The following GRM8 variants were observed in gnomAD, a reference collection of about 807,000 sequenced individuals.
The protein encoded by GRM8 is glutamate metabotropic receptor 8, also known as metabotropic glutamate receptor 8.
A neutral mutation model predicts 87.2 loss-of-function variants in GRM8; 47 were observed. That is an observed-to-expected ratio of 0.54 (90% CI 0.43 to 0.69). GRM8 has a LOEUF of 0.69. GRM8 is among the 30% of genes least tolerant of loss of function. The pLI is 0.00. For missense variants in GRM8, 1,019 were observed against 1,139.2 expected, an observed-to-expected ratio of 0.89 and a Z score of 1.52; for synonymous variants, 396 against 404.5, an observed-to-expected ratio of 0.98 and a Z score of 0.25.
intron 2 of GRM8, among the ~76,000 whole-genome samples, chr7:127,176,332 T>C (rs1794105325): frequency 1.3e-5 from 2 of 152,186 alleles, no homozygotes; most frequent in East Asian, 1.9e-4. Context: ...TATACAACTA[T>C]ACCAATAATC....
At chr7:127,236,553 A>C (rs1294932974) in intron 2 of GRM8, among the ~76,000 whole-genome samples, 1 of 152,176 alleles carries the variant, frequency 6.6e-6, no homozygotes, top group African/African-American at 2.4e-5. Context: ...GAACTCACTC[A>C]CTATCACGAG....
intron 6 of GRM8, among the ~76,000 whole-genome samples, chr7:126,867,725 A>G (rs1043155146): frequency 1.3e-5 from 2 of 152,156 alleles, no homozygotes; most frequent in African/African-American, 2.4e-5. Flanking sequence ...GAAGAACAGA[A>G]ATGAGAGGAC....
chr7:127,043,668 G>C (rs1377153111), intron 3 of GRM8, among the ~76,000 whole-genome samples: 1 of 152,168 alleles, frequency 6.6e-6, no homozygotes, highest in Non-Finnish European at 1.5e-5. Context: ...AATGTTAAAT[G>C]ATGAGTTAAT....
chr7:126,656,873 C>A (rs1179907954), intron 7 of GRM8, among the ~76,000 whole-genome samples: 2 of 152,086 alleles, frequency 1.3e-5, no homozygotes, highest in African/African-American at 4.8e-5. Context: ...AAAAGCTAGG[C>A]ATATTCAGGG....
chr7:126,951,571 C>T (rs1808163715), intron 3 of GRM8, among the ~76,000 whole-genome samples: 2 of 151,994 alleles, frequency 1.3e-5, no homozygotes, highest in Admixed American at 1.3e-4. Flanking sequence ...CTACAGAAAA[C>T]AGTATCTTGA....
chr7:126,633,811 A>G (rs1053080401), intron 7 of GRM8, among the ~76,000 whole-genome samples: 1 of 151,738 alleles, frequency 6.6e-6, no homozygotes, highest in South Asian at 2.1e-4. Flanking sequence ...TACCATATAA[A>G]TAACTATTTG....
At chr7:126,679,136 C>T (rs1283173862) in intron 7 of GRM8, among the ~76,000 whole-genome samples, 5 of 152,182 alleles carry the variant, frequency 3.3e-5, no homozygotes, top group African/African-American at 1.2e-4. Context: ...GCTAGAACTA[C>T]AGTTTAAAAG....
chr7:126,969,132 CATA>C (rs1283104403), intron 3 of GRM8, among the ~76,000 whole-genome samples: 1 of 152,070 alleles, frequency 6.6e-6, no homozygotes, highest in Non-Finnish European at 1.5e-5. Context: ...TTCAGAAAAG[CATA>C]ATATTTTTGC....
chr7:126,489,014 G>A (rs951488191), intron 9 of GRM8, among the ~76,000 whole-genome samples: 4 of 151,696 alleles, frequency 2.6e-5, no homozygotes, highest in African/African-American at 7.3e-5. Flanking sequence ...ATAAAGCAGT[G>A]TATAATTTCA....
intron 9 of GRM8, among the ~76,000 whole-genome samples, chr7:126,520,502 A>G (rs1812827334): frequency 6.6e-6 from 1 of 152,102 alleles, no homozygotes; most frequent in South Asian, 2.1e-4. Context: ...CAGCTTTTCT[A>G]GCAGGAGATA....
chr7:126,779,275 T>C (rs1458321817), intron 6 of GRM8, among the ~76,000 whole-genome samples: 2 of 152,102 alleles, frequency 1.3e-5, no homozygotes, highest in Non-Finnish European at 2.9e-5. Flanking sequence ...TACATGTATA[T>C]TCATTTCCCA....
intron 6 of GRM8, among the ~76,000 whole-genome samples, chr7:126,810,067 G>C (rs1016202191): frequency 3.3e-5 from 5 of 152,084 alleles, no homozygotes; most frequent in Admixed American, 3.3e-4. Flanking sequence ...TATGTATAAA[G>C]GGGAAAACAT....
intron 6 of GRM8, among the ~76,000 whole-genome samples, chr7:126,843,222 T>C (rs999497719): frequency 9.8e-5 from 15 of 152,294 alleles, no homozygotes; most frequent in African/African-American, 3.6e-4. Flanking sequence ...TTGGCAGATC[T>C]GGACTTCAGT....
intron 3 of GRM8, among the ~76,000 whole-genome samples, chr7:127,026,190 A>G (rs1376044427): frequency 3.3e-5 from 5 of 152,094 alleles, no homozygotes; most frequent in African/African-American, 9.7e-5. Flanking sequence ...ATCCTTTTAT[A>G]TGGCTGCATA....
At chr7:126,618,286 C>A (rs1369406421) in intron 7 of GRM8, among the ~76,000 whole-genome samples, 1 of 152,148 alleles carries the variant, frequency 6.6e-6, no homozygotes, top group Non-Finnish European at 1.5e-5. Flanking sequence ...AAAGGATTCC[C>A]TATTTAATAA....
chr7:127,151,610 C>T (rs375078377), intron 2 of GRM8, among the ~76,000 whole-genome samples: 3 of 152,118 alleles, frequency 2.0e-5, no homozygotes, highest in Admixed American at 6.6e-5. Flanking sequence ...TTATCATTAT[C>T]GTCCTCACAG....
chr7:126,832,171 C>CA (rs11412862), intron 6 of GRM8, among the ~76,000 whole-genome samples: 3,501 of 77,290 alleles, frequency 0.045, 127 homozygotes, highest in African/African-American at 0.13. Flanking sequence ...TGCCATCTTC[C>CA]AAAAAAAAAA....
chr7:126,914,261 T>C (rs1359170123), intron 3 of GRM8, among the ~76,000 whole-genome samples: 1 of 151,872 alleles, frequency 6.6e-6, no homozygotes, highest in Non-Finnish European at 1.5e-5. Context: ...TTATTAAAAG[T>C]CAAAAAATAA....
intron 3 of GRM8, among the ~76,000 whole-genome samples, chr7:126,908,400 A>G (rs1802929824): frequency 6.6e-6 from 1 of 152,214 alleles, no homozygotes; most frequent in African/African-American, 2.4e-5. Flanking sequence ...GAGTGGAAAC[A>G]TTAGGTAACT....
Sources: allele counts gnomAD v4.1 joint callset (sites outside exome capture counted in the v4.1 genomes callset), GRCh38; gene constraint gnomAD v4.1.1; transcripts MANE v1.5; gene names NCBI Gene and HGNC (gene_info 2026-07-23, HGNC 2026-07-21).